NRG1: variants seen among roughly 807,000 people sequenced by gnomAD.
NRG1 encodes the protein pro-neuregulin-1, membrane-bound isoform.
In NRG1, 18 loss-of-function variants were observed where a neutral mutation model predicts 63.8. The ratio of observed to expected loss-of-function variants is 0.28; its 90% CI spans 0.19 to 0.42. NRG1 has a LOEUF of 0.42. Among genes scored for constraint, NRG1 ranks in the 10% least tolerant of loss-of-function variants. NRG1 has a pLI of 1.00. For synonymous variants in NRG1, 302 were observed against 301.3 expected, an observed-to-expected ratio of 1.00 and a Z score of -0.02; for missense variants, 762 against 814.7, an observed-to-expected ratio of 0.94 and a Z score of 0.79.
Position 31,699,844 on chromosome 8 carries a change from A to C in NRG1, c.37+60413A>C, listed in dbSNP as rs186605751. ...CCTAGGTTTACTGAGTGGGAGAGGC[A>C]GAGGTGCTTCCCAAATAAAAACTGT... On this transcript the variant is annotated intron_variant, in intron 1 of 10. Coordinates refer to the NRG1 transcript ENST00000519301. Among the ~76,000 whole-genome samples, 364 of 152,296 alleles carry C rather than the reference A, an allele frequency of 2.4e-3. 1 individual carries two copies. Among genetic ancestry groups the C allele is most frequent in the Admixed American group, 8.0e-3 (122 of 15,286 alleles).
At chr8:31,797,678 TTATTTATTTATTGCAGCACTGTA>T (rs1200278829) in intron 1 of NRG1, among the ~76,000 whole-genome samples, 7 of 152,320 alleles carry the variant, frequency 4.6e-5, no homozygotes, top group Admixed American at 2.6e-4. Flanking sequence ...GCACTATTAT[TTATTTATTTATTGCAGCACTGTA>T]TATTTATTTA....
intron 1 of NRG1, chr8:32,441,403 C>T (rs1016864158): frequency 3.3e-5 from 5 of 152,008 alleles, no homozygotes; most frequent in African/African-American, 1.2e-4. Flanking sequence ...TCTTTGATGT[C>T]ACTATGTAGA....
At chr8:32,450,897 T>C (rs1474605947) in intron 1 of NRG1, among the ~76,000 whole-genome samples, 1 of 152,118 alleles carries the variant, frequency 6.6e-6, no homozygotes, top group African/African-American at 2.4e-5. Context: ...ACAAGTCAGT[T>C]GGCAAGAGAA....
chr8:32,683,201 A>C (rs573820424), intron 5 of NRG1, among the ~76,000 whole-genome samples: 1 of 152,284 alleles, frequency 6.6e-6, no homozygotes, highest in African/African-American at 2.4e-5. Context: ...AACAGAGTCA[A>C]TTTTCATGTT....
intron 1 of NRG1, among the ~76,000 whole-genome samples, chr8:32,542,523 A>G (rs1832674467): frequency 6.6e-6 from 1 of 152,216 alleles, no homozygotes; most frequent in Non-Finnish European, 1.5e-5. Context: ...CAAGCAACTG[A>G]ATTTCCCTTG....
intron 1 of NRG1, among the ~76,000 whole-genome samples, chr8:32,527,632 T>C (rs1330531889): frequency 6.6e-6 from 1 of 152,138 alleles, no homozygotes; most frequent in Admixed American, 6.5e-5. Context: ...CACTTGTACC[T>C]TCTAAATCTA....
At chr8:32,239,205 A>T (rs1004017925) in intron 1 of NRG1, among the ~76,000 whole-genome samples, 8 of 152,152 alleles carry the variant, frequency 5.3e-5, no homozygotes, top group Non-Finnish European at 1.0e-4. Context: ...TAAAACAGAG[A>T]CAAACAAATA....
chr8:32,380,550 T>A (rs900868542), intron 1 of NRG1, among the ~76,000 whole-genome samples: 4 of 152,080 alleles, frequency 2.6e-5, no homozygotes, highest in African/African-American at 9.7e-5. Flanking sequence ...AACTTCACAC[T>A]AATAAAACAG....
intron 1 of NRG1, among the ~76,000 whole-genome samples, chr8:31,656,969 G>A (rs1362296279): frequency 6.6e-6 from 1 of 152,210 alleles, no homozygotes; most frequent in Non-Finnish European, 1.5e-5. Flanking sequence ...ATCTGAAGCT[G>A]TGACTGAGCA....
intron 1 of NRG1, among the ~76,000 whole-genome samples, chr8:32,146,276 T>C (rs1836862924): frequency 6.6e-6 from 1 of 152,214 alleles, no homozygotes; most frequent in Non-Finnish European, 1.5e-5. Context: ...TGAAAGGTGG[T>C]AAAATGTTTA....
intron 1 of NRG1, among the ~76,000 whole-genome samples, chr8:31,961,754 T>C (rs1315254486): frequency 3.3e-5 from 5 of 152,096 alleles, no homozygotes; most frequent in South Asian, 2.1e-4. Flanking sequence ...GGAGCTATGA[T>C]AATCTAAGAT....
At chr8:32,533,568 T>G (rs929663300) in intron 1 of NRG1, among the ~76,000 whole-genome samples, 1 of 152,068 alleles carries the variant, frequency 6.6e-6, no homozygotes, top group Non-Finnish European at 1.5e-5. Context: ...AATTTTATTT[T>G]TATTCCAAAA....
intron 1 of NRG1, among the ~76,000 whole-genome samples, chr8:31,917,526 C>T (rs1396280934): frequency 4.6e-5 from 7 of 151,486 alleles, no homozygotes; most frequent in Admixed American, 3.3e-4. Flanking sequence ...AGATATGCGG[C>T]GTTATTTCTG....
At chr8:31,983,563 G>C (rs180898277) in intron 1 of NRG1, among the ~76,000 whole-genome samples, 290 of 151,914 alleles carry the variant, frequency 1.9e-3, no homozygotes, top group African/African-American at 6.6e-3. Context: ...AAATTTTTTT[G>C]CAGAAATGGG....
intron 1 of NRG1, among the ~76,000 whole-genome samples, chr8:32,027,183 T>A (rs2130371278): frequency 6.6e-6 from 1 of 152,266 alleles, no homozygotes; most frequent in East Asian, 1.9e-4. Context: ...CATGAGTTTG[T>A]GAGTAGGGTA....
At chr8:32,144,421 C>T (rs913893523) in intron 1 of NRG1, among the ~76,000 whole-genome samples, 1 of 151,804 alleles carries the variant, frequency 6.6e-6, no homozygotes, top group Non-Finnish European at 1.5e-5. Context: ...TGGAGAAGAC[C>T]TGCATGCCTA....
At chr8:31,859,995 A>G (rs1828321400) in intron 1 of NRG1, among the ~76,000 whole-genome samples, 1 of 152,258 alleles carries the variant, frequency 6.6e-6, no homozygotes, top group Non-Finnish European at 1.5e-5. Flanking sequence ...CTAGGAAAAC[A>G]AAGTATCCAG....
chr8:32,218,364 T>A (rs1000813974), intron 1 of NRG1, among the ~76,000 whole-genome samples: 1 of 152,322 alleles, frequency 6.6e-6, no homozygotes, highest in African/African-American at 2.4e-5. Flanking sequence ...CATATGTCAC[T>A]TTTCTTTTTC....
At chr8:32,396,058 C>T (rs1039052122) in intron 1 of NRG1, among the ~76,000 whole-genome samples, 5 of 152,130 alleles carry the variant, frequency 3.3e-5, no homozygotes, top group African/African-American at 1.2e-4. Flanking sequence ...TTTCTGGTAT[C>T]TCTATTCTGT....
Sources: allele counts gnomAD v4.1 joint callset (sites outside exome capture counted in the v4.1 genomes callset), GRCh38; gene constraint gnomAD v4.1.1; transcripts MANE v1.5; gene names NCBI Gene and HGNC (gene_info 2026-07-23, HGNC 2026-07-21).